The following MAPKAPK5 variants were observed in gnomAD, a reference collection of about 807,000 sequenced individuals.
MAPKAPK5 encodes MAPK activated protein kinase 5, also known as MAP kinase-activated protein kinase 5.
MAPKAPK5 carries 30 observed loss-of-function variants against 65.1 expected under a neutral mutation model. That is an observed-to-expected ratio of 0.46 (90% CI 0.34 to 0.63). The LOEUF (loss-of-function observed/expected upper bound fraction) is 0.63. MAPKAPK5 is among the 20% of genes least tolerant of loss of function. The pLI is 0.01. For missense variants in MAPKAPK5, 433 were observed against 581.4 expected, an observed-to-expected ratio of 0.74 and a Z score of 2.63; for synonymous variants, 179 against 204.6, an observed-to-expected ratio of 0.87 and a Z score of 1.07.
rs529270405 is a variant in MAPKAPK5 at position 111,899,677 on chromosome 12, C to T, written c.*6616C>T. 3.4e-4 allele frequency: 102 copies of T among 296,034 alleles called. No homozygotes were observed. Among genetic ancestry groups the T allele is most frequent in the Non-Finnish European group, 6.3e-4 (93 of 146,632 alleles). 18.3% of individuals were successfully genotyped at this position (296,034 alleles called of 1,614,324 possible). ...AATGGCCTCCTGGGGCAAGAATCGC[C>T]TTTCATCTCACATGACTGCCACTAT... On this transcript the variant is annotated 3_prime_UTR_variant, in exon 14 of 14. Transcript: ENST00000550735.
At chr12:111,881,264 G>A (rs1353499063) in intron 8 of MAPKAPK5, among the ~76,000 whole-genome samples, 1 of 151,958 alleles carries the variant, frequency 6.6e-6, no homozygotes, top group East Asian at 1.9e-4. Context: ...AGTAGAGTCG[G>A]GGTTTCTCCA....
At chr12:111,855,625 G>A (rs984571765) in intron 1 of MAPKAPK5, among the ~76,000 whole-genome samples, 11 of 151,968 alleles carry the variant, frequency 7.2e-5, no homozygotes, top group African/African-American at 2.7e-4. Flanking sequence ...TCAGGAGTTC[G>A]AGACCAGCCT....
At chr12:111,889,941 A>C (rs2070547950) in intron 12 of MAPKAPK5, 99 bp from the exon 13 acceptor site, 7 of 739,062 alleles carry the variant, frequency 9.5e-6, no homozygotes, top group South Asian at 1.6e-5. Flanking sequence ...TTCAGTCAAC[A>C]TTTTTCAACC....
At position 111,883,616 on chromosome 12, in the gene MAPKAPK5, T is replaced by C. The variant is rs767799787; in HGVS notation, c.696T>C (p.Tyr232=). The C allele has an allele frequency of 2.4e-5, 38 of 1,613,944 alleles. No homozygotes were observed. The African/African-American group carries it at 4.8e-4, about 20-fold the overall frequency. The part of the protein sequence containing the change: ...CDLWSLGVII[Y]VMLCGYPPFY... The stretch of plus-strand genomic sequence containing the variant: ...TGTGGTCCCTAGGGGTGATTATCTA[T>C]GTGATGCTGTGCGGATACCCTCCTT... Residue 232 remains tyrosine (Y), a synonymous_variant, in exon 9 of 14, where the codon TAT becomes TAC. Transcript: ENST00000550735. This position sits in a 1 kb window ranked among gnomAD's most constrained non-coding sequence, Gnocchi z 4.8.
intron 1 of MAPKAPK5, among the ~76,000 whole-genome samples, chr12:111,857,489 G>A (rs562971214): frequency 1.3e-5 from 2 of 152,256 alleles, no homozygotes; most frequent in East Asian, 1.9e-4. Context: ...CTGACCTCAG[G>A]TGATCCCTCC....
At chr12:111,866,327 C>A in intron 3 of MAPKAPK5, 96 bp downstream of exon 3, 2 of 1,087,268 alleles carry the variant, frequency 1.8e-6, no homozygotes, top group Non-Finnish European at 2.6e-6. Flanking sequence ...TACAGTGATG[C>A]ATAAAAAGTT....
Position 111,896,617 on chromosome 12 carries a change from A to G in MAPKAPK5, c.*3556A>G, listed in dbSNP as rs2070829677. On this transcript the variant is annotated 3_prime_UTR_variant, in exon 14 of 14. Coordinates refer to ENST00000550735, the MANE Select transcript of MAPKAPK5 (RefSeq NM_003668.4). ...CAAACACCTATACCTGTGGAAACAT[A>G]ACACTGTAAATATAATTCTTATAAA... The G allele has an allele frequency of 6.6e-6, 1 of 152,208 alleles. No individual in the cohort carries two copies. The allele number at this position is 152,208 out of a possible 1,614,324, so 9.4% of individuals were successfully genotyped here. A position where few individuals can be genotyped will look rare whatever the true frequency, so the allele number is the denominator to read the frequency against.
chr12:111,871,324 T>A (rs1326779257), intron 7 of MAPKAPK5, 144 bp downstream of exon 7: 9 of 657,986 alleles, frequency 1.4e-5, no homozygotes, highest in Non-Finnish European at 2.3e-5. Flanking sequence ...TTGCTTTATT[T>A]GGTGTAGATC....
chr12:111,846,920 G>T (rs1251411519), intron 1 of MAPKAPK5, among the ~76,000 whole-genome samples: 1 of 152,086 alleles, frequency 6.6e-6, no homozygotes, highest in Admixed American at 6.6e-5. Flanking sequence ...TAGTTACTTA[G>T]TAGTCATCTT....
chr12:111,890,580 A>C (rs1182217569), intron 13 of MAPKAPK5, among the ~76,000 whole-genome samples: 1 of 152,194 alleles, frequency 6.6e-6, no homozygotes, highest in Non-Finnish European at 1.5e-5. Flanking sequence ...CTGTTTCACG[A>C]AAGAGGAGAA....
At chr12:111,856,943 C>G (rs922378049) in intron 1 of MAPKAPK5, among the ~76,000 whole-genome samples, 1 of 152,172 alleles carries the variant, frequency 6.6e-6, no homozygotes, top group East Asian at 1.9e-4. Context: ...TGTAAATTCT[C>G]TGTTGATTTT....
chr12:111,866,941 CT>C (rs1251653758), intron 3 of MAPKAPK5, among the ~76,000 whole-genome samples: 1 of 152,062 alleles, frequency 6.6e-6, no homozygotes, highest in East Asian at 1.9e-4. Context: ...GTTTTTGTTT[CT>C]GTTTGAAACC....
chr12:111,874,259 G>A (rs906392648), intron 7 of MAPKAPK5, among the ~76,000 whole-genome samples: 1 of 151,860 alleles, frequency 6.6e-6, no homozygotes, highest in African/African-American at 2.4e-5. Flanking sequence ...GCTGGGCGTA[G>A]TAGCCGGTGC....
chr12:111,849,914 G>T (rs1288014148), intron 1 of MAPKAPK5, among the ~76,000 whole-genome samples: 1 of 151,584 alleles, frequency 6.6e-6, no homozygotes, highest in Admixed American at 6.6e-5. Context: ...GTAGAGACAC[G>T]GGTCCCACTG....
In MAPKAPK5 at chr12:111,883,355, G is replaced by A. The variant is rs549628364; in HGVS notation, c.661-226G>A. Among the ~76,000 whole-genome samples, 2 of 152,228 alleles carry A rather than the reference G, an allele frequency of 1.3e-5. No individual in the cohort carries two copies. Among genetic ancestry groups the A allele is most frequent in the East Asian group, 3.9e-4 (2 of 5,182 alleles). ...AGATTACGCCACTGCACTCCAGCCT[G>A]GGCAACAGAGCAAGACTCTGTCTCA... On this transcript the variant is annotated intron_variant, in intron 8 of 13. Transcript: ENST00000550735. This position sits in a 1 kb window ranked among gnomAD's most constrained non-coding sequence, Gnocchi z 4.8.
intron 1 of MAPKAPK5, among the ~76,000 whole-genome samples, chr12:111,847,316 C>G (rs924612218): frequency 1.3e-5 from 2 of 150,710 alleles, no homozygotes; most frequent in Non-Finnish European, 2.9e-5. Context: ...CCACTGTACT[C>G]CAGCCTGGGC....
At chr12:111,852,243 A>G (rs2069107924) in intron 1 of MAPKAPK5, among the ~76,000 whole-genome samples, 1 of 152,136 alleles carries the variant, frequency 6.6e-6, no homozygotes, top group African/African-American at 2.4e-5. Flanking sequence ...ATGAGGATGT[A>G]TTTTTGTAAT....
At chr12:111,891,944 T>C (rs2070630416) in intron 13 of MAPKAPK5, among the ~76,000 whole-genome samples, 3 of 152,302 alleles carry the variant, frequency 2.0e-5, no homozygotes, top group African/African-American at 7.2e-5. Context: ...TAGTAGAACA[T>C]GCATCCTCTT....
At position 111,890,115 on chromosome 12, in the gene MAPKAPK5, G is replaced by C; in HGVS notation, c.1292G>C (p.Arg431Thr). Reference protein sequence around the residue: ...WKYNRECKLLRDTLQSFSWNG... With the variant: ...WKYNRECKLLTDTLQSFSWNG... Reference sequence around the variant, plus strand: ...TATAACCGGGAATGCAAACTCCTAAGAGATACTCTGCAGAGCTTCAGCTGG... The same window carrying C: ...TATAACCGGGAATGCAAACTCCTAACAGATACTCTGCAGAGCTTCAGCTGG... Residue 431 changes from arginine to threonine, a missense_variant, in exon 13 of 14, where the codon AGA becomes ACA. This residue lies in a region of MAPKAPK5 where 169 missense variants were observed against 215.6 expected (regional missense o/e 0.78). Transcript: ENST00000550735. 6.3e-7 allele frequency: 1 copy of C among 1,596,760 alleles called. No individual in the cohort carries two copies. Among genetic ancestry groups the C allele is most frequent in the African/African-American group, 1.3e-5 (1 of 74,750 alleles).
Sources: allele counts gnomAD v4.1 joint callset (sites outside exome capture counted in the v4.1 genomes callset), GRCh38; gene constraint gnomAD v4.1.1; regional missense constraint gnomAD v4.1.1; non-coding constraint Gnocchi (gnomAD v3.1); transcripts MANE v1.5; gene names NCBI Gene and HGNC (gene_info 2026-07-23, HGNC 2026-07-21).